ZNRF2: variants seen among roughly 807,000 people sequenced by gnomAD.
The protein encoded by ZNRF2 is E3 ubiquitin-protein ligase ZNRF2.
A neutral mutation model predicts 20.4 loss-of-function variants in ZNRF2; 16 were observed. The ratio of observed to expected loss-of-function variants is 0.79; its 90% confidence interval spans 0.53 to 1.19. The LOEUF is 1.19. ZNRF2 is among the 50% of genes most tolerant of loss of function. The pLI, the probability that ZNRF2 is intolerant of heterozygous loss-of-function variation, is 0.00. For missense variants in ZNRF2, 363 were observed against 332.4 expected, an observed-to-expected ratio of 1.09 and a Z score of -0.72; for synonymous variants, 178 against 144.9, an observed-to-expected ratio of 1.23 and a Z score of -1.64.
chr7:30,340,662 G>T (rs1012675000), intron 2 of ZNRF2, among the ~76,000 whole-genome samples: 1 of 152,020 alleles, frequency 6.6e-6, no homozygotes, highest in Non-Finnish European at 1.5e-5. Flanking sequence ...GAGGATTTTC[G>T]CATCGATGTT....
chr7:30,285,345 G>T lies in ZNRF2; in HGVS notation c.-13G>T. 1 of 1,144,844 alleles carries T rather than the reference G, an allele frequency of 8.7e-7. No individual in the cohort carries two copies. The highest frequency in any genetic ancestry group is 1.1e-6 in the Non-Finnish European group (1 of 930,172). 70.9% of individuals were successfully genotyped at this position (1,144,844 alleles called of 1,614,324 possible). The stretch of plus-strand genomic sequence containing the variant: ...GGGCGCAGCGCGCGGGCCCGGCCCG[G>T]GGCAGGGCGGACATGGGCGCCAAAC... On this transcript the variant is annotated 5_prime_UTR_variant, in exon 1 of 5. Transcript: ENST00000323037.
rs1798732480 is a variant in ZNRF2, at chr7:30,284,613, C to A, written c.-745C>A. ...GCGCGACCCAAACACACGGGCCGGG[C>A]GCACCCTGCAGCCGCGCCGCTCCGC... is the stretch of plus-strand genomic sequence containing the variant. On this transcript the variant is annotated 5_prime_UTR_variant, in exon 1 of 5. Coordinates refer to ENST00000323037, the MANE Select transcript of ZNRF2 (RefSeq NM_147128.4). 6.5e-6 allele frequency: 1 copy of A among 153,268 alleles called. No homozygotes were observed. The highest frequency in any genetic ancestry group is 6.5e-5 in the Admixed American group (1 of 15,284). The allele number at this position is 153,268 out of a possible 1,614,324, so 9.5% of individuals were successfully genotyped here. A position where few individuals can be genotyped will look rare whatever the true frequency, so the allele number is the denominator to read the frequency against.
intron 1 of ZNRF2, among the ~76,000 whole-genome samples, chr7:30,286,105 C>T (rs566902781): frequency 6.6e-6 from 1 of 152,218 alleles, no homozygotes; most frequent in Non-Finnish European, 1.5e-5. Context: ...AGTGAGATGA[C>T]TGGAGCAAAT....
At chr7:30,302,749 T>A (rs1310706460) in intron 1 of ZNRF2, among the ~76,000 whole-genome samples, 1 of 152,206 alleles carries the variant, frequency 6.6e-6, no homozygotes, top group Non-Finnish European at 1.5e-5. Flanking sequence ...TCATCACTGC[T>A]ACTCTTTAAT....
chr7:30,357,562 A>G (rs950916806), intron 3 of ZNRF2, among the ~76,000 whole-genome samples: 5 of 152,188 alleles, frequency 3.3e-5, no homozygotes, highest in Admixed American at 2.0e-4. Context: ...AGGAGAATAA[A>G]CACAAAGAAA....
At chr7:30,292,331 A>G (rs745679298) in intron 1 of ZNRF2, among the ~76,000 whole-genome samples, 11 of 152,136 alleles carry the variant, frequency 7.2e-5, no homozygotes, top group Non-Finnish European at 8.8e-5. Flanking sequence ...TTCTAACATC[A>G]CATTAAAATT....
intron 2 of ZNRF2, among the ~76,000 whole-genome samples, chr7:30,354,660 G>A (rs1002993396): frequency 1.2e-4 from 18 of 152,242 alleles, no homozygotes; most frequent in African/African-American, 4.1e-4. Context: ...CAGAATTTAC[G>A]TAGAGATTGA....
At chr7:30,294,993 CAG>C (rs151019640) in intron 1 of ZNRF2, among the ~76,000 whole-genome samples, 10 of 51,440 alleles carry the variant, frequency 1.9e-4, no homozygotes, top group Admixed American at 8.9e-4. Context: ...GGGAGGGGGA[CAG>C]AGAGAGAGAG....
intron 1 of ZNRF2, among the ~76,000 whole-genome samples, chr7:30,287,614 A>C (rs576952917): frequency 7.9e-5 from 12 of 152,226 alleles, no homozygotes; most frequent in African/African-American, 2.9e-4. Flanking sequence ...AGTTGGAGAT[A>C]AAGCATTTAT....
At chr7:30,300,944 A>G (rs988031486) in intron 1 of ZNRF2, among the ~76,000 whole-genome samples, 2 of 152,232 alleles carry the variant, frequency 1.3e-5, no homozygotes, top group African/African-American at 4.8e-5. Flanking sequence ...GTAATCCACA[A>G]TTACAGCTGG....
At chr7:30,299,583 C>G (rs558176142) in intron 1 of ZNRF2, among the ~76,000 whole-genome samples, 1 of 152,190 alleles carries the variant, frequency 6.6e-6, no homozygotes, top group Non-Finnish European at 1.5e-5. Context: ...AAATGACAGT[C>G]ACTTCCAGTC....
chr7:30,344,235 CTTT>C (rs548015005), intron 2 of ZNRF2, among the ~76,000 whole-genome samples: 2 of 138,788 alleles, frequency 1.4e-5, no homozygotes, highest in Non-Finnish European at 3.2e-5. Flanking sequence ...GCTCTTGTTT[CTTT>C]TTTTTTTTTT....
chr7:30,305,241 G>A (rs1298975611), intron 1 of ZNRF2, among the ~76,000 whole-genome samples: 5 of 152,088 alleles, frequency 3.3e-5, no homozygotes, highest in East Asian at 1.9e-4. Flanking sequence ...ATATCTACCC[G>A]AATACCACTG....
At chr7:30,338,591 CA>C (rs1391485446) in intron 2 of ZNRF2, among the ~76,000 whole-genome samples, 1 of 152,100 alleles carries the variant, frequency 6.6e-6, no homozygotes, top group African/African-American at 2.4e-5. Flanking sequence ...CATGTCCCTG[CA>C]AAGGACATGA....
intron 1 of ZNRF2, among the ~76,000 whole-genome samples, chr7:30,300,236 T>C (rs1196969428): frequency 1.3e-5 from 2 of 148,830 alleles, no homozygotes; most frequent in African/African-American, 5.0e-5. Context: ...GCAACCTCTG[T>C]CTCGTGGGTT....
intron 2 of ZNRF2, among the ~76,000 whole-genome samples, chr7:30,353,100 T>C (rs953291996): frequency 6.6e-6 from 1 of 152,122 alleles, no homozygotes; most frequent in Admixed American, 6.6e-5. Flanking sequence ...CAAAGACACA[T>C]TCTAGTGGAA....
chr7:30,323,459 A>G (rs1159625247), intron 1 of ZNRF2, among the ~76,000 whole-genome samples, 183 bp from the exon 2 acceptor site: 1 of 152,216 alleles, frequency 6.6e-6, no homozygotes, highest in Non-Finnish European at 1.5e-5. Flanking sequence ...TCATCTTCAT[A>G]AACTGATACA....
intron 1 of ZNRF2, among the ~76,000 whole-genome samples, chr7:30,286,219 C>A (rs191168943): frequency 6.6e-6 from 1 of 152,130 alleles, no homozygotes; most frequent in Non-Finnish European, 1.5e-5. Context: ...TCTGGGGACT[C>A]GAGTGGGGAA....
intron 4 of ZNRF2, among the ~76,000 whole-genome samples, chr7:30,365,261 G>A (rs1800195005): frequency 6.6e-6 from 1 of 150,876 alleles, no homozygotes; most frequent in South Asian, 2.1e-4. Flanking sequence ...GGGATATGTG[G>A]AGCATACATC....
Sources: gnomAD v4.1 joint callset for allele counts (sites outside exome capture counted in the v4.1 genomes callset) on GRCh38, gnomAD v4.1.1 for gene constraint, MANE v1.5 for transcripts, NCBI Gene and HGNC (gene_info 2026-07-23, HGNC 2026-07-21) for gene names.